Variants in ANO2 observed in about 807,000 individuals in gnomAD.
ANO2 encodes anoctamin 2, also known as anoctamin-2.
A neutral mutation model predicts 124.2 loss-of-function variants in ANO2; 101 were observed. The observed-to-expected ratio is 0.81, with a 90% CI of 0.69 to 0.96. ANO2 has a LOEUF of 0.96. Ranked by LOEUF, ANO2 falls within the 40% of genes least tolerant of loss-of-function variation. The pLI, the probability that ANO2 is intolerant of heterozygous loss-of-function variation, is 0.00. For synonymous variants in ANO2, 486 were observed against 482.5 expected (o/e 1.01, Z -0.09); for missense variants, 1,293 against 1,274.5 (o/e 1.01, Z -0.22).
At chr12:5,841,468 T>C (rs554858648) in intron 4 of ANO2, among the ~76,000 whole-genome samples, 1 of 152,368 alleles carries the variant, frequency 6.6e-6, no homozygotes, top group East Asian at 1.9e-4. Context: ...GTAGGTCCTC[T>C]ACACATGAAT....
Position 5,925,887 on chromosome 12 carries a change from A to G in ANO2, c.23-3083T>C, listed in dbSNP as rs1942057990. ...CCACGTTCCAGCTCTCTCCCTGGGC[A>G]CTCTCATCCACTCCAGAGACCTTCA... On this transcript the variant is annotated intron_variant, in intron 1 of 24. Transcript: ENST00000682330. The surrounding 1 kb of genome is among the most constrained non-coding windows in gnomAD (Gnocchi z 4.6). Among the ~76,000 whole-genome samples the G allele has an allele frequency of 6.6e-6, 1 of 152,058 alleles. No homozygotes were observed.
At chr12:5,875,538 AAAG>A (rs1938035620) in intron 3 of ANO2, among the ~76,000 whole-genome samples, 1 of 152,240 alleles carries the variant, frequency 6.6e-6, no homozygotes, top group South Asian at 2.1e-4. Flanking sequence ...GGGATCAACC[AAAG>A]AAGGCAGCCA....
intron 16 of ANO2, among the ~76,000 whole-genome samples, chr12:5,622,507 G>A (rs376739849): frequency 1.0e-3 from 152 of 152,302 alleles, no homozygotes; most frequent in African/African-American, 3.4e-3. Context: ...GTGCTTGGCC[G>A]AGACTTCTGG....
intron 10 of ANO2, among the ~76,000 whole-genome samples, chr12:5,759,853 T>C (rs1333780288): frequency 6.6e-6 from 1 of 152,012 alleles, no homozygotes; most frequent in African/African-American, 2.4e-5. Context: ...ACAATGTCTA[T>C]TTTAGGGAGT....
At chr12:5,912,440 G>A (rs939542346) in intron 3 of ANO2, among the ~76,000 whole-genome samples, 1 of 152,140 alleles carries the variant, frequency 6.6e-6, no homozygotes, top group African/African-American at 2.4e-5. Flanking sequence ...AGGTTGGGGT[G>A]GGGGGAGGCT....
chr12:5,578,306 C>T (rs1307752136), intron 21 of ANO2, 60 bp downstream of exon 21: 14 of 1,577,536 alleles, frequency 8.9e-6, no homozygotes, highest in Non-Finnish European at 7.8e-6. Context: ...GTGACTGTGG[C>T]CAGAGGGGAC....
chr12:5,763,544 A>G (rs1375368974), intron 10 of ANO2, among the ~76,000 whole-genome samples: 8 of 152,152 alleles, frequency 5.3e-5, no homozygotes. Flanking sequence ...AGTACCAGAA[A>G]GAGTCTGGAA....
At chr12:5,629,145 G>A (rs759021438) in intron 16 of ANO2, among the ~76,000 whole-genome samples, 3 of 152,186 alleles carry the variant, frequency 2.0e-5, no homozygotes, top group Non-Finnish European at 4.4e-5. Context: ...GACTTGGAGA[G>A]GTTGGACGGC....
intron 16 of ANO2, among the ~76,000 whole-genome samples, chr12:5,634,504 TC>T (rs958025756): frequency 2.0e-5 from 3 of 152,040 alleles, no homozygotes; most frequent in African/African-American, 7.2e-5. Flanking sequence ...ACTGTCAGCC[TC>T]CCCCACCCAA....
At chr12:5,693,118 A>T (rs1417281036) in intron 14 of ANO2, among the ~76,000 whole-genome samples, 1 of 152,176 alleles carries the variant, frequency 6.6e-6, no homozygotes, top group African/African-American at 2.4e-5. Context: ...CTTTATCTGC[A>T]TCTACCCATT....
intron 3 of ANO2, among the ~76,000 whole-genome samples, chr12:5,871,417 G>A (rs1301358321): frequency 6.6e-6 from 1 of 152,182 alleles, no homozygotes; most frequent in African/African-American, 2.4e-5. Context: ...AATAGAGTAT[G>A]CACTCTAAAC....
At chr12:5,653,140 G>A (rs1946990045) in intron 14 of ANO2, among the ~76,000 whole-genome samples, 1 of 152,280 alleles carries the variant, frequency 6.6e-6, no homozygotes, top group East Asian at 1.9e-4. Flanking sequence ...AACTGGATTT[G>A]GGCTTCAAAA....
chr12:5,802,972 A>G (rs954286005), intron 9 of ANO2, among the ~76,000 whole-genome samples: 18 of 152,204 alleles, frequency 1.2e-4, no homozygotes. Flanking sequence ...GAGGTCATCA[A>G]TTTAAGAATT....
At chr12:5,581,421 A>G (rs1942752388) in intron 20 of ANO2, among the ~76,000 whole-genome samples, 1 of 152,202 alleles carries the variant, frequency 6.6e-6, no homozygotes, top group African/African-American at 2.4e-5. Context: ...ATTCGTGCAC[A>G]TGGTACTCTG....
chr12:5,610,861 A>ACACACCC (rs1565472341), intron 19 of ANO2, among the ~76,000 whole-genome samples: 16 of 82,224 alleles, frequency 1.9e-4, no homozygotes, highest in African/African-American at 5.8e-4. Context: ...CACACACACA[A>ACACACCC]CCCTAAGGGA....
intron 19 of ANO2, among the ~76,000 whole-genome samples, chr12:5,610,972 CTT>C (rs34792083): frequency 6.2e-5 from 7 of 113,614 alleles, no homozygotes; most frequent in Non-Finnish European, 1.1e-4. Context: ...AACTTCTCTG[CTT>C]TTTTTTTTTT....
At chr12:5,867,777 T>TGAAAA (rs1555175812) in intron 3 of ANO2, among the ~76,000 whole-genome samples, 23 of 29,366 alleles carry the variant, frequency 7.8e-4, no homozygotes, top group Non-Finnish European at 1.2e-3. Context: ...AGCACTATAA[T>TGAAAA]GAAAAAAAAA....
At chr12:5,665,480 C>A (rs186235730) in intron 14 of ANO2, among the ~76,000 whole-genome samples, 153 of 152,352 alleles carry the variant, frequency 1.0e-3, no homozygotes, top group Middle Eastern at 3.4e-3. Context: ...TTTCCTCCCT[C>A]TTGTAGCTCT....
At position 5,734,946 on chromosome 12, in the gene ANO2, G is replaced by A. The variant is rs573636752; in HGVS notation, c.1435-2316C>T. Among the ~76,000 whole-genome samples the A allele has an allele frequency of 5.3e-5, 8 of 152,226 alleles. No homozygotes were observed. In the South Asian group the frequency reaches 1.2e-3, roughly 24 times the overall value. On this transcript the variant is annotated intron_variant, in intron 13 of 24. Coordinates refer to ENST00000682330, the MANE Select transcript of ANO2 (RefSeq NM_001364791.2). ...ATTACAGGCGTGAACCACTGCACCC[G>A]GCCATAACCCTTAACTTTTTAAAGC... is the stretch of plus-strand genomic sequence containing the variant.
Sources: gnomAD v4.1 joint callset for allele counts (sites outside exome capture counted in the v4.1 genomes callset) on GRCh38, gnomAD v4.1.1 for gene constraint, Gnocchi (gnomAD v3.1) non-coding constraint, MANE v1.5 for transcripts, NCBI Gene and HGNC (gene_info 2026-07-23, HGNC 2026-07-21) for gene names.